The following LYST variants were observed in gnomAD, a reference collection of about 807,000 sequenced individuals.
The protein encoded by LYST is lysosomal trafficking regulator, also known as lysosomal-trafficking regulator.
A neutral mutation model predicts 413.6 loss-of-function variants in LYST; 192 were observed. The ratio of observed to expected loss-of-function variants is 0.46; its 90% CI spans 0.41 to 0.52. LYST has a LOEUF of 0.52. LYST is among the 20% of genes least tolerant of loss of function. The pLI, the probability that LYST is intolerant of heterozygous loss-of-function variation, is 0.00. For synonymous variants in LYST, 1,525 were observed against 1,567.3 expected (o/e 0.97, Z 0.64); for missense variants, 3,815 against 4,499.9 (o/e 0.85, Z 4.35).
At chr1:235,703,069 T>C in intron 44 of LYST, 92 bp from the exon 45 acceptor site, 2 of 922,670 alleles carry the variant, frequency 2.2e-6, no homozygotes, top group South Asian at 1.3e-5. Context: ...CTTTGTTTTA[T>C]ATTCTAGGTT....
intron 39 of LYST, among the ~76,000 whole-genome samples, chr1:235,722,423 CAAG>C (rs1330638751): frequency 6.6e-6 from 1 of 152,106 alleles, no homozygotes; most frequent in Non-Finnish European, 1.5e-5. Flanking sequence ...GACTGGAGGT[CAAG>C]AAAGGGTTTG....
chr1:235,774,782 C>T lies in LYST; in HGVS notation c.5634+131G>A. 7.8e-6 allele frequency: 5 copies of T among 642,054 alleles called. No individual in the cohort carries two copies. In the South Asian group the frequency reaches 9.5e-5, roughly 12 times the overall value. The allele number at this position is 642,054 out of a possible 1,614,324, so 39.8% of individuals were successfully genotyped here. ...TAGAAGAGTATCTTAGTTTGATTAACTATACACTAATAAGTTTCCTCCATT... is the reference window on the plus strand; with the variant it reads ...TAGAAGAGTATCTTAGTTTGATTAATTATACACTAATAAGTTTCCTCCATT... On this transcript the variant is annotated intron_variant, in intron 18 of 52. Transcript: ENST00000389793.
chr1:235,698,821 C>T (rs566089714), intron 45 of LYST, among the ~76,000 whole-genome samples: 26 of 151,938 alleles, frequency 1.7e-4, no homozygotes, highest in East Asian at 3.9e-4. Flanking sequence ...TGCAGTAAGC[C>T]GAGATCACGC....
intron 39 of LYST, 131 bp from the exon 40 acceptor site, chr1:235,721,036 T>G (rs1663317628): frequency 1.2e-6 from 1 of 839,974 alleles, no homozygotes; most frequent in African/African-American, 1.7e-5. Flanking sequence ...TTTTTCTCAG[T>G]AACATTAATG....
At chr1:235,853,897 A>G (rs1678851822) in intron 1 of LYST, among the ~76,000 whole-genome samples, 1 of 152,174 alleles carries the variant, frequency 6.6e-6, no homozygotes, top group Non-Finnish European at 1.5e-5. Flanking sequence ...GCAACCAGAT[A>G]TCTCAGGAAG....
chr1:235,694,399 A>T (rs1660926878), intron 46 of LYST, among the ~76,000 whole-genome samples: 1 of 152,076 alleles, frequency 6.6e-6, no homozygotes, highest in Non-Finnish European at 1.5e-5. Flanking sequence ...ACTATTAATT[A>T]TCTATGCTTT....
intron 45 of LYST, among the ~76,000 whole-genome samples, chr1:235,699,074 T>C (rs1427935282): frequency 6.6e-6 from 1 of 152,158 alleles, no homozygotes; most frequent in Non-Finnish European, 1.5e-5. Context: ...TTTTATATCA[T>C]AGCATATTTA....
chr1:235,802,056 T>C (rs1038790985), intron 8 of LYST, among the ~76,000 whole-genome samples: 2 of 151,972 alleles, frequency 1.3e-5, no homozygotes, highest in Non-Finnish European at 2.9e-5. Flanking sequence ...TAGCTGGGCA[T>C]GGTGGCGGGC....
At chr1:235,702,198 C>T (rs1661605426) in intron 45 of LYST, among the ~76,000 whole-genome samples, 1 of 152,226 alleles carries the variant, frequency 6.6e-6, no homozygotes, top group Admixed American at 6.5e-5. Context: ...TTAAGGCTTG[C>T]TTGATTTTTC....
chr1:235,687,590 T>C (rs922847764), intron 47 of LYST, among the ~76,000 whole-genome samples: 2 of 152,182 alleles, frequency 1.3e-5, no homozygotes, highest in Non-Finnish European at 2.9e-5. Context: ...GTCCTAACCA[T>C]GGAGGCACCA....
intron 3 of LYST, among the ~76,000 whole-genome samples, chr1:235,825,639 C>A (rs918673914): frequency 2.6e-5 from 4 of 152,082 alleles, no homozygotes; most frequent in African/African-American, 9.7e-5. Context: ...ACAGGCAGGA[C>A]CTCTACAATG....
At chr1:235,804,434 T>G in intron 7 of LYST, 70 bp downstream of exon 7, 1 of 1,189,634 alleles carries the variant, frequency 8.4e-7, no homozygotes, top group Non-Finnish European at 1.3e-6. Context: ...ATCAGCGTCC[T>G]AGTGTCATCC....
exon 1 of LYST, chr1:235,883,584 G>A (rs1364948316): frequency 2.6e-5 from 4 of 152,600 alleles, no homozygotes; most frequent in African/African-American, 4.8e-5. Context: ...TCTGGTATGA[G>A]GACTGCTCTT....
chr1:235,841,724 T>G (rs1010987851), intron 1 of LYST, among the ~76,000 whole-genome samples: 2 of 152,074 alleles, frequency 1.3e-5, no homozygotes, highest in Admixed American at 1.3e-4. Flanking sequence ...AGGGGACACA[T>G]CATCCTCTGA....
At chr1:235,758,902 C>G (rs1667297759) in intron 23 of LYST, 70 bp downstream of exon 23, 1 of 1,449,896 alleles carries the variant, frequency 6.9e-7, no homozygotes, top group African/African-American at 1.4e-5. Flanking sequence ...AAGACGTTTC[C>G]AGAGGGGTAG....
At chr1:235,771,294 C>T (rs1487118287) in intron 19 of LYST, among the ~76,000 whole-genome samples, 4 of 152,092 alleles carry the variant, frequency 2.6e-5, no homozygotes, top group African/African-American at 9.7e-5. Flanking sequence ...AGACTTAGTT[C>T]AAATATAATT....
At chr1:235,828,712 G>T in intron 3 of LYST, 1 of 882,192 alleles carries the variant, frequency 1.1e-6, no homozygotes, top group Non-Finnish European at 1.4e-6. Flanking sequence ...AGAAGACAAA[G>T]CATTGAATTT....
chr1:235,708,356 C>T (rs1662150485), intron 44 of LYST, among the ~76,000 whole-genome samples: 1 of 152,048 alleles, frequency 6.6e-6, no homozygotes, highest in South Asian at 2.1e-4. Context: ...TAAAGTAGAA[C>T]ATGTATGTAG....
At chr1:235,745,597 T>C (rs1558181153) in intron 29 of LYST, among the ~76,000 whole-genome samples, 2 of 152,210 alleles carry the variant, frequency 1.3e-5, no homozygotes, top group Admixed American at 6.6e-5. Context: ...TAAAGACTTA[T>C]ATTCTTACAA....
Sources: gnomAD v4.1 joint callset for allele counts (sites outside exome capture counted in the v4.1 genomes callset) on GRCh38, gnomAD v4.1.1 for gene constraint, MANE v1.5 for transcripts, NCBI Gene and HGNC (gene_info 2026-07-23, HGNC 2026-07-21) for gene names.